Variants in TBXAS1 observed in about 807,000 individuals in gnomAD.
TBXAS1 encodes thromboxane-A synthase.
A neutral mutation model predicts 60.7 loss-of-function variants in TBXAS1; 48 were observed. The ratio of observed to expected loss-of-function variants is 0.79; its 90% CI spans 0.63 to 1.01. The LOEUF is 1.01. TBXAS1 is among the 50% of genes least tolerant of loss of function. TBXAS1 has a pLI of 0.00. For synonymous variants in TBXAS1, 287 were observed against 269.7 expected, an observed-to-expected ratio of 1.06 and a Z score of -0.63; for missense variants, 685 against 686.3, an observed-to-expected ratio of 1.00 and a Z score of 0.02.
chr7:139,846,184 T>C (rs1214933502), intron 1 of TBXAS1, among the ~76,000 whole-genome samples: 1 of 152,156 alleles, frequency 6.6e-6, no homozygotes, highest in Non-Finnish European at 1.5e-5. Flanking sequence ...TCAACCAATT[T>C]AGGAAAATAA....
chr7:139,939,254 C>T (rs1808070280), intron 5 of TBXAS1, among the ~76,000 whole-genome samples: 1 of 151,042 alleles, frequency 6.6e-6, no homozygotes. Flanking sequence ...ACCCCAGCTA[C>T]TCAGGACCCT....
At chr7:139,848,776 G>A (rs1293983945) in intron 1 of TBXAS1, among the ~76,000 whole-genome samples, 1 of 152,148 alleles carries the variant, frequency 6.6e-6, no homozygotes, top group Non-Finnish European at 1.5e-5. Context: ...ACATTAATGG[G>A]GCAGGGAAGA....
chr7:139,933,212 T>C (rs1031732822), intron 4 of TBXAS1, among the ~76,000 whole-genome samples: 6 of 152,168 alleles, frequency 3.9e-5, no homozygotes, highest in African/African-American at 1.4e-4. Flanking sequence ...GTGAAGGCCA[T>C]GCTGACATAT....
chr7:139,884,688 T>C (rs74573097), intron 3 of TBXAS1, among the ~76,000 whole-genome samples: 1 of 152,146 alleles, frequency 6.6e-6, no homozygotes, highest in East Asian at 1.9e-4. Flanking sequence ...CAGGAAGGTG[T>C]CAGCTGGACA....
intron 3 of TBXAS1, among the ~76,000 whole-genome samples, chr7:139,910,065 G>A (rs1805398948): frequency 6.6e-6 from 1 of 152,158 alleles, no homozygotes; most frequent in Admixed American, 6.5e-5. Flanking sequence ...CCTCTGGGAA[G>A]CCTTCAGTCT....
At chr7:139,982,948 C>T (rs1812070770) in intron 9 of TBXAS1, among the ~76,000 whole-genome samples, 1 of 152,148 alleles carries the variant, frequency 6.6e-6, no homozygotes. Flanking sequence ...TTTCCTTCCA[C>T]CACTCTTTCT....
chr7:139,955,198 C>T (rs1403039753), intron 6 of TBXAS1, among the ~76,000 whole-genome samples: 2 of 152,130 alleles, frequency 1.3e-5, no homozygotes, highest in Non-Finnish European at 1.5e-5. Flanking sequence ...GAGGCTGTGC[C>T]CTCCTCTCCT....
rs1031539835 is a variant in TBXAS1 at position 140,017,820 on chromosome 7, G to A, written c.1514G>A (p.Cys505Tyr). Residue 505 changes from cysteine to tyrosine, a missense_variant, in exon 12 of 13, where the codon TGC (cysteine) becomes TAC (tyrosine). Cys to Tyr is a radical substitution (Grantham distance 194). Transcript: ENST00000448866. Reference sequence around the variant, plus strand: ...CTGCACAAGTTCCGGTTCCAAGCCTGCCCTGAGACCCAGGTGAGGCCCCCC... The same window carrying A: ...CTGCACAAGTTCCGGTTCCAAGCCTACCCTGAGACCCAGGTGAGGCCCCCC... Reference protein sequence around the residue: ...HVLHKFRFQACPETQVPLQLE... With the variant: ...HVLHKFRFQAYPETQVPLQLE... 4.3e-6 allele frequency: 7 copies of A among 1,613,976 alleles called. No individual in the cohort carries two copies. The African/African-American group carries it at 8.0e-5, about 18-fold the overall frequency.
chr7:139,993,293 G>T (rs1444603749), intron 9 of TBXAS1, among the ~76,000 whole-genome samples: 2 of 152,100 alleles, frequency 1.3e-5, no homozygotes, highest in African/African-American at 4.8e-5. Flanking sequence ...GATCATGTTG[G>T]GGAATAGGGT....
At chr7:139,828,764 T>C (rs1798522845), upstream of TBXAS1, among the ~76,000 whole-genome samples, 1 of 152,164 alleles carries the variant, frequency 6.6e-6, no homozygotes, top group East Asian at 1.9e-4. Flanking sequence ...CCAATCGGGA[T>C]CTTTGCTTTG....
Position 139,911,003 on chromosome 7 carries a change from C to T in TBXAS1, c.237-222C>T, listed in dbSNP as rs113946481. ...TATTCAACCCAGAGTCTCCAGGGAC[C>T]GGTGCAAGGTGGCATTCCATGAGTG... On this transcript the variant is annotated intron_variant, in intron 3 of 12. Coordinates refer to ENST00000448866, the MANE Select transcript of TBXAS1 (RefSeq NM_001061.7). Among the ~76,000 whole-genome samples the T allele has an allele frequency of 8.0e-3, 1,213 of 152,208 alleles. 12 individuals are homozygous for T. Among genetic ancestry groups the T allele is most frequent in the South Asian group, 0.027 (130 of 4,820 alleles).
At chr7:139,837,912 C>T (rs1799174315) in intron 1 of TBXAS1, among the ~76,000 whole-genome samples, 1 of 152,216 alleles carries the variant, frequency 6.6e-6, no homozygotes, top group South Asian at 2.1e-4. Flanking sequence ...AGGGTGAGGG[C>T]CAGGTCTCCT....
intron 9 of TBXAS1, among the ~76,000 whole-genome samples, chr7:139,973,688 C>T (rs1209151978): frequency 6.6e-6 from 1 of 151,862 alleles, no homozygotes; most frequent in East Asian, 1.9e-4. Context: ...CTGTGAATTG[C>T]AATGCGGAAG....
intron 11 of TBXAS1, chr7:140,016,283 G>A (rs1273814000): frequency 3.3e-6 from 1 of 301,688 alleles, no homozygotes; most frequent in African/African-American, 2.2e-5. Context: ...AGCCGAGATG[G>A]TGCCACTACA....
intron 10 of TBXAS1, among the ~76,000 whole-genome samples, chr7:140,015,486 C>T (rs1814952807): frequency 6.6e-6 from 1 of 152,164 alleles, no homozygotes; most frequent in Middle Eastern, 3.2e-3. Flanking sequence ...TCATCAAGGA[C>T]CAAGTGAGCC....
intron 9 of TBXAS1, among the ~76,000 whole-genome samples, chr7:139,970,441 G>A (rs1325345279): frequency 6.6e-6 from 1 of 152,236 alleles, no homozygotes; most frequent in East Asian, 1.9e-4. Flanking sequence ...CCCAGGTGAT[G>A]CTGATACAGC....
At chr7:139,785,468 C>T (rs888027668) in intron 3 of TBXAS1, among the ~76,000 whole-genome samples, 104 of 148,042 alleles carry the variant, frequency 7.0e-4, no homozygotes, top group Middle Eastern at 3.4e-3. Context: ...CCCATTGTTT[C>T]GTTGTTGTTG....
chr7:140,018,354 C>T (rs2116479308), intron 12 of TBXAS1, among the ~76,000 whole-genome samples: 1 of 152,160 alleles, frequency 6.6e-6, no homozygotes, highest in East Asian at 1.9e-4. Context: ...GAACGGTACC[C>T]CCAGCTTTGC....
At chr7:139,783,947 C>T (rs958215859) in intron 3 of TBXAS1, among the ~76,000 whole-genome samples, 18 of 151,764 alleles carry the variant, frequency 1.2e-4, no homozygotes, top group Admixed American at 1.2e-3. Context: ...TTAATCACCT[C>T]ACTCTTCTTG....
Sources: gnomAD v4.1 joint callset for allele counts (sites outside exome capture counted in the v4.1 genomes callset) on GRCh38, gnomAD v4.1.1 for gene constraint, MANE v1.5 for transcripts, NCBI Gene and HGNC (gene_info 2026-07-23, HGNC 2026-07-21) for gene names.